VWC2: variants seen among roughly 807,000 people sequenced by gnomAD.
VWC2 encodes the protein brorin.
A neutral mutation model predicts 29.8 loss-of-function variants in VWC2; 14 were observed. The ratio of observed to expected loss-of-function variants is 0.47; its 90% CI spans 0.31 to 0.74. VWC2 has a LOEUF of 0.74. Among genes scored for constraint, VWC2 ranks in the 30% least tolerant of loss-of-function variants. The pLI is 0.05. For synonymous variants in VWC2, 213 were observed against 199.0 expected, an observed-to-expected ratio of 1.07 and a Z score of -0.59; for missense variants, 457 against 459.8, an observed-to-expected ratio of 0.99 and a Z score of 0.05.
At chr7:49,829,715 G>A (rs1428796263) in intron 3 of VWC2, among the ~76,000 whole-genome samples, 1 of 152,210 alleles carries the variant, frequency 6.6e-6, no homozygotes, top group African/African-American at 2.4e-5. Context: ...CCAGTGAGGA[G>A]GGCAAGCTGT....
chr7:49,788,522 G>A (rs554288477), intron 2 of VWC2, among the ~76,000 whole-genome samples: 2 of 149,874 alleles, frequency 1.3e-5, no homozygotes, highest in South Asian at 2.1e-4. Context: ...TGTGAGTGTG[G>A]GTGTGAGACA....
At chr7:49,840,541 C>G (rs1365797432) in intron 3 of VWC2, among the ~76,000 whole-genome samples, 3 of 152,064 alleles carry the variant, frequency 2.0e-5, no homozygotes, top group Non-Finnish European at 4.4e-5. Context: ...GAGGGGGTGA[C>G]TATGGATCAC....
intron 2 of VWC2, among the ~76,000 whole-genome samples, chr7:49,794,288 T>C (rs1788533370): frequency 6.6e-6 from 1 of 152,174 alleles, no homozygotes; most frequent in Non-Finnish European, 1.5e-5. Context: ...TATCATTTGG[T>C]TTGCATTTTT....
At position 49,775,402 on chromosome 7, in the gene VWC2, C is replaced by CG; in HGVS notation, c.-34_-33insG. ...ATGCGACTCGCCCCTCGGCCGCGCT[C>CG]CCCGCCCGCCCGCCCGCCGGGACGT... On this transcript the variant is annotated 5_prime_UTR_variant, in exon 2 of 4. An upstream open reading frame in the 5' UTR loses its in-frame stop. Coordinates refer to ENST00000340652, the MANE Select transcript of VWC2 (RefSeq NM_198570.5). 9 of 743,262 alleles carry CG rather than the reference C, an allele frequency of 1.2e-5. No individual in the cohort carries two copies. The highest frequency in any genetic ancestry group is 1.3e-5 in the Non-Finnish European group (7 of 536,014). The allele number at this position is 743,262 out of a possible 1,614,324, so 46.0% of individuals were successfully genotyped here. A position where few individuals can be genotyped will look rare whatever the true frequency, so the allele number is the denominator to read the frequency against.
intron 3 of VWC2, among the ~76,000 whole-genome samples, chr7:49,892,031 ATTTTTTTTTT>A (rs536880676): frequency 1.9e-4 from 10 of 53,290 alleles, no homozygotes; most frequent in East Asian, 1.4e-3. Context: ...GACAAAGTAG[ATTTTTTTTTT>A]TTTTTTTTTT....
intron 3 of VWC2, among the ~76,000 whole-genome samples, chr7:49,849,840 C>T (rs1310197337): frequency 1.3e-5 from 2 of 152,162 alleles, no homozygotes; most frequent in Non-Finnish European, 2.9e-5. Flanking sequence ...TTCTAACCTG[C>T]GAGGCCAGTG....
intron 3 of VWC2, among the ~76,000 whole-genome samples, chr7:49,888,776 T>C (rs1792007222): frequency 6.6e-6 from 1 of 152,098 alleles, no homozygotes; most frequent in African/African-American, 2.4e-5. Context: ...CCAGGCGTGG[T>C]GGCAGGCGCC....
intron 3 of VWC2, among the ~76,000 whole-genome samples, chr7:49,840,565 G>A (rs896113838): frequency 6.6e-6 from 1 of 152,150 alleles, no homozygotes; most frequent in African/African-American, 2.4e-5. Flanking sequence ...GCACAAATCA[G>A]TCAGTTAGGT....
At position 49,775,956 on chromosome 7, in the gene VWC2, C is replaced by G. The variant is rs1288743178; in HGVS notation, c.521C>G (p.Ser174Trp). 31 of 1,551,298 alleles carry G rather than the reference C, an allele frequency of 2.0e-5. No individual in the cohort carries two copies. The highest frequency in any genetic ancestry group is 2.6e-5 in the Non-Finnish European group (30 of 1,150,738). Residue 174 changes from serine (S) to tryptophan (W), a missense_variant, in exon 2 of 4, where the codon TCG becomes TGG. Ser to Trp is a radical substitution (Grantham distance 177). Coordinates refer to ENST00000340652, the MANE Select transcript of VWC2 (RefSeq NM_198570.5). ...AIGEKFAPGPSACPCLCTEEG... is the reference protein window; with the variant it reads ...AIGEKFAPGPWACPCLCTEEG... Reference sequence around the variant, plus strand: ...GGGGAGAAGTTCGCGCCGGGCCCCTCGGCCTGCCCGTGCCTGTGCACCGAG... The same window carrying G: ...GGGGAGAAGTTCGCGCCGGGCCCCTGGGCCTGCCCGTGCCTGTGCACCGAG...
intron 3 of VWC2, among the ~76,000 whole-genome samples, chr7:49,859,641 C>A (rs1032713368): frequency 2.6e-5 from 4 of 152,232 alleles, no homozygotes; most frequent in Non-Finnish European, 5.9e-5. Flanking sequence ...CTATTGCATG[C>A]GAATACTGTG....
intron 2 of VWC2, among the ~76,000 whole-genome samples, chr7:49,789,097 TGA>T (rs538798933): frequency 0.039 from 5,346 of 138,284 alleles, 137 homozygotes; most frequent in Non-Finnish European, 0.05. Flanking sequence ...GGTTTGGGTG[TGA>T]GAGAGAGATT....
chr7:49,891,001 A>G (rs1453442980), intron 3 of VWC2, among the ~76,000 whole-genome samples: 1 of 152,210 alleles, frequency 6.6e-6, no homozygotes, highest in Non-Finnish European at 1.5e-5. Context: ...AAGAACTACT[A>G]AGGCCATAGA....
At chr7:49,870,260 C>T (rs1407203790) in intron 3 of VWC2, among the ~76,000 whole-genome samples, 2 of 152,078 alleles carry the variant, frequency 1.3e-5, no homozygotes, top group Non-Finnish European at 2.9e-5. Flanking sequence ...ATTAGCTGGG[C>T]ATGGTGGCGG....
intron 3 of VWC2, among the ~76,000 whole-genome samples, chr7:49,904,924 T>C (rs1314652659): frequency 1.3e-5 from 2 of 151,928 alleles, no homozygotes; most frequent in Admixed American, 6.6e-5. Flanking sequence ...TTAGTAGAGA[T>C]GGGGTTTCAC....
intron 3 of VWC2, among the ~76,000 whole-genome samples, chr7:49,849,462 G>A (rs746861426): frequency 3.9e-5 from 6 of 152,252 alleles, no homozygotes; most frequent in East Asian, 1.9e-4. Flanking sequence ...GGGTCCTCGC[G>A]GGTCTCTGGA....
At chr7:49,892,527 T>G (rs1241374522) in intron 3 of VWC2, among the ~76,000 whole-genome samples, 2 of 152,208 alleles carry the variant, frequency 1.3e-5, no homozygotes, top group Non-Finnish European at 2.9e-5. Flanking sequence ...TTTTATTCTG[T>G]TAGAAATCAG....
intron 3 of VWC2, among the ~76,000 whole-genome samples, chr7:49,809,713 G>A (rs1301880549): frequency 1.3e-5 from 2 of 151,938 alleles, no homozygotes; most frequent in Non-Finnish European, 2.9e-5. Flanking sequence ...GCAAGGTTTG[G>A]TTTACTGTCT....
At chr7:49,899,640 C>T (rs942343186) in intron 3 of VWC2, among the ~76,000 whole-genome samples, 1 of 152,048 alleles carries the variant, frequency 6.6e-6, no homozygotes, top group African/African-American at 2.4e-5. Flanking sequence ...CTTCAATATG[C>T]ATTTGCCTGA....
intron 3 of VWC2, among the ~76,000 whole-genome samples, chr7:49,890,591 T>C (rs899304550): frequency 3.3e-5 from 5 of 152,212 alleles, no homozygotes; most frequent in Non-Finnish European, 7.4e-5. Flanking sequence ...TTGGGAATTG[T>C]TAGTCAAATA....
Sources: allele counts gnomAD v4.1 joint callset (sites outside exome capture counted in the v4.1 genomes callset), GRCh38; gene constraint gnomAD v4.1.1; transcripts MANE v1.5; gene names NCBI Gene and HGNC (gene_info 2026-07-23, HGNC 2026-07-21).